The following RUNX1 variants were observed in gnomAD, a reference collection of about 807,000 sequenced individuals.
RUNX1 encodes the protein runt-related transcription factor 1.
A neutral mutation model predicts 42.8 loss-of-function variants in RUNX1; 19 were observed. The ratio of observed to expected loss-of-function variants is 0.44; its 90% CI spans 0.31 to 0.65. The LOEUF is 0.65. Ranked by LOEUF, RUNX1 falls within the 30% of genes least tolerant of loss-of-function variation. The pLI is 0.07. For synonymous variants in RUNX1, 271 were observed against 289.4 expected (o/e 0.94, Z 0.64); for missense variants, 528 against 672.0 (o/e 0.79, Z 2.37).
At chr21:35,038,820 C>A in intron 2 of RUNX1, 1 of 447,524 alleles carries the variant, frequency 2.2e-6, no homozygotes, top group Admixed American at 2.4e-5. Flanking sequence ...TGAAGCCTGG[C>A]AGCCTTGGCC....
At chr21:34,807,967 T>C (rs2056703803) in intron 7 of RUNX1, among the ~76,000 whole-genome samples, 2 of 152,234 alleles carry the variant, frequency 1.3e-5, no homozygotes, top group South Asian at 4.1e-4. Context: ...TCCTCTGGCC[T>C]CTGCAGCAGG....
intron 2 of RUNX1, among the ~76,000 whole-genome samples, chr21:34,975,437 G>T (rs2058794531): frequency 6.6e-6 from 1 of 152,130 alleles, no homozygotes; most frequent in African/African-American, 2.4e-5. Context: ...TTTACATTAT[G>T]TTAGGTATTA....
chr21:34,941,413 G>A (rs2058525653), intron 2 of RUNX1, among the ~76,000 whole-genome samples: 1 of 152,200 alleles, frequency 6.6e-6, no homozygotes, highest in Non-Finnish European at 1.5e-5. Context: ...GTTCTTTCAT[G>A]TGGGTTCGGA....
intron 2 of RUNX1, among the ~76,000 whole-genome samples, chr21:34,991,215 AG>A (rs2058935069): frequency 6.6e-6 from 1 of 152,144 alleles, no homozygotes. Flanking sequence ...TGAACATGCC[AG>A]GCCCCTACCT....
intron 7 of RUNX1, among the ~76,000 whole-genome samples, chr21:34,825,872 G>T (rs965967886): frequency 5.9e-5 from 9 of 152,154 alleles, no homozygotes; most frequent in African/African-American, 2.2e-4. Flanking sequence ...ATATAAAGAG[G>T]GAAGAAGAAG....
At position 34,859,596 on chromosome 21, in the gene RUNX1, A is replaced by G. The variant is rs879084418; in HGVS notation, c.509-18T>C. 6.3e-7 allele frequency: 1 copy of G among 1,575,190 alleles called. No individual in the cohort carries two copies. Among genetic ancestry groups the G allele is most frequent in the Admixed American group, 1.7e-5 (1 of 59,996 alleles). ...GCTTTTCCCTGTGGGGACACGATAG[A>G]GAACAAAACAGAATGAGGTTGGTGG... On this transcript the variant is annotated intron_variant, in intron 5 of 8. Transcript: ENST00000675419.
chr21:34,922,114 T>C (rs2058358604), intron 2 of RUNX1, among the ~76,000 whole-genome samples: 1 of 152,202 alleles, frequency 6.6e-6, no homozygotes, highest in South Asian at 2.1e-4. Flanking sequence ...AGCAGCCTGC[T>C]GGATCTGGAG....
chr21:34,857,227 C>T (rs897370539), intron 6 of RUNX1, among the ~76,000 whole-genome samples: 2 of 152,176 alleles, frequency 1.3e-5, no homozygotes, highest in African/African-American at 4.8e-5. Context: ...GCTTCTTTGG[C>T]GCAAATCCCT....
chr21:34,809,603 G>A (rs886894749), intron 7 of RUNX1, among the ~76,000 whole-genome samples: 2 of 152,150 alleles, frequency 1.3e-5, no homozygotes, highest in African/African-American at 4.8e-5. Context: ...CCTGGGTTGG[G>A]AGACTGTCAT....
intron 2 of RUNX1, among the ~76,000 whole-genome samples, chr21:34,955,210 C>T (rs117264958): frequency 0.01 from 1,566 of 151,932 alleles, 13 homozygotes; most frequent in Non-Finnish European, 0.017. Context: ...GAATCCAGAT[C>T]TTTGTGGGTG....
chr21:34,948,738 C>CTTT (rs10669551), intron 2 of RUNX1, among the ~76,000 whole-genome samples: 3 of 152,220 alleles, frequency 2.0e-5, no homozygotes, highest in Middle Eastern at 6.8e-3. Context: ...TGCAGAATTT[C>CTTT]TTTCTTTTTT....
At chr21:34,937,306 T>C (rs904966380) in intron 2 of RUNX1, among the ~76,000 whole-genome samples, 4 of 140,776 alleles carry the variant, frequency 2.8e-5, no homozygotes, top group Non-Finnish European at 3.0e-5. Flanking sequence ...CATTGTAACA[T>C]TGTGGCCATC....
In RUNX1 at chr21:34,878,017, C is replaced by T. The variant is rs139764974; in HGVS notation, c.508+2540G>A. On this transcript the variant is annotated intron_variant, in intron 5 of 8. Coordinates refer to ENST00000675419, the MANE Select transcript of RUNX1 (RefSeq NM_001754.5). ...CATGCCAAGGGTATATTTTCAAGCACATTTTCAAAAACAGAAAATGAGACA... is the reference window on the plus strand; with the variant it reads ...CATGCCAAGGGTATATTTTCAAGCATATTTTCAAAAACAGAAAATGAGACA... Among the ~76,000 whole-genome samples the T allele has an allele frequency of 2.7e-3, 413 of 152,174 alleles. 2 individuals carry two copies. Among genetic ancestry groups the T allele is most frequent in the African/African-American group, 9.4e-3 (391 of 41,522 alleles).
intron 2 of RUNX1, among the ~76,000 whole-genome samples, chr21:35,018,609 T>C (rs958835056): frequency 3.3e-5 from 5 of 152,208 alleles, no homozygotes; most frequent in African/African-American, 1.2e-4. Flanking sequence ...CTGATATCGT[T>C]TGAATTATCA....
chr21:35,034,687 G>A (rs2059294909), intron 2 of RUNX1, among the ~76,000 whole-genome samples: 1 of 152,178 alleles, frequency 6.6e-6, no homozygotes, highest in South Asian at 2.1e-4. Context: ...AGCACAGAGG[G>A]CAGTCCCCTC....
intron 7 of RUNX1, among the ~76,000 whole-genome samples, chr21:34,813,898 A>T (rs2056790952): frequency 6.6e-6 from 1 of 152,066 alleles, no homozygotes; most frequent in Non-Finnish European, 1.5e-5. Flanking sequence ...GACTCCCCCT[A>T]TTCTCCACAG....
chr21:34,887,781 A>C, intron 3 of RUNX1: 1 of 1,062,626 alleles, frequency 9.4e-7, no homozygotes, highest in Non-Finnish European at 1.1e-6. Context: ...AAATCCATTA[A>C]TGTACGCTGC....
At chr21:35,040,137 C>G (rs2059346799) in intron 2 of RUNX1, among the ~76,000 whole-genome samples, 1 of 152,174 alleles carries the variant, frequency 6.6e-6, no homozygotes, top group Non-Finnish European at 1.5e-5. Context: ...GGGTGAATGT[C>G]AAGTTCAGCT....
At chr21:34,952,199 A>G (rs1165351071) in intron 2 of RUNX1, among the ~76,000 whole-genome samples, 1 of 152,070 alleles carries the variant, frequency 6.6e-6, no homozygotes, top group Non-Finnish European at 1.5e-5. Flanking sequence ...ACATAGGGAG[A>G]GGAACATCAT....
Sources: allele counts gnomAD v4.1 joint callset (sites outside exome capture counted in the v4.1 genomes callset), GRCh38; gene constraint gnomAD v4.1.1; transcripts MANE v1.5; gene names NCBI Gene and HGNC (gene_info 2026-07-23, HGNC 2026-07-21).